The following SNRPN variants were observed in gnomAD, a reference collection of about 807,000 sequenced individuals.
SNRPN encodes small nuclear ribonucleoprotein-associated protein N.
A neutral mutation model predicts 25.2 loss-of-function variants in SNRPN; 7 were observed. The ratio of observed to expected loss-of-function variants is 0.28; its 90% CI spans 0.16 to 0.52. SNRPN has a LOEUF of 0.52. SNRPN is among the 20% of genes least tolerant of loss of function. The probability of loss-of-function intolerance (pLI) is 0.96; values close to 1 mark genes in which losing one functional copy is unlikely to be tolerated. For missense variants in SNRPN, 196 were observed against 322.5 expected (o/e 0.61, Z 3.00); for synonymous variants, 124 against 110.6 (o/e 1.12, Z -0.76).
chr15:24,931,368 T>C (rs2060840536), intron 3 of SNRPN, among the ~76,000 whole-genome samples: 1 of 152,162 alleles, frequency 6.6e-6, no homozygotes, highest in Non-Finnish European at 1.5e-5. Flanking sequence ...ACTATTGTAA[T>C]CGTGAAGAAA....
chr15:24,888,140 GCT>G (rs1230095120), intron 2 of SNRPN, among the ~76,000 whole-genome samples: 1 of 130,444 alleles, frequency 7.7e-6, no homozygotes, highest in East Asian at 2.3e-4. Flanking sequence ...ATGTAGTCTT[GCT>G]CTGTTGCCCG....
chr15:24,939,994 T>G (rs541829634), intron 3 of SNRPN, among the ~76,000 whole-genome samples: 14 of 152,256 alleles, frequency 9.2e-5, no homozygotes, highest in Admixed American at 3.3e-4. Context: ...TTCACCATGT[T>G]GGCCAGGCTG....
intron 1 of SNRPN, among the ~76,000 whole-genome samples, chr15:24,873,396 G>A (rs113662179): frequency 0.028 from 3,211 of 114,574 alleles, 842 homozygotes; most frequent in Non-Finnish European, 0.042. Context: ...GCACGATCCC[G>A]ACTCACTGCA....
intron 1 of SNRPN, among the ~76,000 whole-genome samples, chr15:24,955,501 C>T (rs1268764706): frequency 6.8e-6 from 1 of 146,316 alleles, no homozygotes; most frequent in Non-Finnish European, 1.5e-5. Flanking sequence ...GTGATTGTGG[C>T]GGGGCGAAGG....
intron 2 of SNRPN, among the ~76,000 whole-genome samples, chr15:24,832,902 C>G (rs1396207622): frequency 6.6e-6 from 1 of 151,694 alleles, no homozygotes; most frequent in Non-Finnish European, 1.5e-5. Context: ...GTCAGGAGAT[C>G]GAGGCCATCC....
intron 1 of SNRPN, among the ~76,000 whole-genome samples, chr15:24,956,205 CT>C (rs957743673): frequency 7.9e-5 from 12 of 152,010 alleles, no homozygotes; most frequent in African/African-American, 2.4e-4. Flanking sequence ...CTGGGGGTTA[CT>C]TTTTTTTCAT....
At chr15:24,824,475 G>A (rs538442700) in intron 1 of SNRPN, among the ~76,000 whole-genome samples, 1 of 152,040 alleles carries the variant, frequency 6.6e-6, no homozygotes, top group East Asian at 1.9e-4. Context: ...ATAATACAGA[G>A]ATGTATTATT....
chr15:24,832,520 T>C (rs1271866816), intron 2 of SNRPN, among the ~76,000 whole-genome samples: 2 of 151,632 alleles, frequency 1.3e-5, no homozygotes, highest in African/African-American at 2.4e-5. Context: ...GAGGGGAGGA[T>C]TGAAAAAAGG....
chr15:24,977,963 G>A lies in SNRPN; in HGVS notation c.559+47G>A, dbSNP rs775519454. On this transcript the variant is annotated intron_variant, in intron 8 of 9. Coordinates refer to ENST00000390687, the MANE Select transcript of SNRPN (RefSeq NM_003097.6). ...AGACGAACTTGAATCTCTGATGAGA[G>A]ATAGCTTACTGATTTAAGACACAGC... 4.2e-5 allele frequency: 63 copies of A among 1,495,014 alleles called. No individual in the cohort carries two copies. In the East Asian group the frequency reaches 1.4e-3, roughly 34 times the overall value. 92.6% of individuals were successfully genotyped at this position (1,495,014 alleles called of 1,614,324 possible).
intron 5 of SNRPN, 79 bp downstream of exon 5, chr15:24,975,588 C>G: frequency 8.2e-7 from 1 of 1,216,024 alleles, no homozygotes; most frequent in Non-Finnish European, 1.2e-6. Context: ...AAGGGATTTC[C>G]GAGGGTAACT....
intron 2 of SNRPN, among the ~76,000 whole-genome samples, chr15:24,966,684 A>C (rs1388495800): frequency 1.3e-5 from 2 of 152,164 alleles, no homozygotes; most frequent in African/African-American, 4.8e-5. Flanking sequence ...AAGGATGTAT[A>C]GGATGTATAG....
intron 1 of SNRPN, among the ~76,000 whole-genome samples, chr15:24,825,458 C>T (rs929960699): frequency 2.6e-5 from 4 of 152,006 alleles, no homozygotes; most frequent in Non-Finnish European, 4.4e-5. Flanking sequence ...ATGAGAGTTG[C>T]GTTCTGTTCT....
At chr15:24,968,256 C>G (rs552367197) in intron 3 of SNRPN, 174 bp downstream of exon 3, 3 of 518,110 alleles carry the variant, frequency 5.8e-6, no homozygotes, top group African/African-American at 5.8e-5. Context: ...TGCCCTGACA[C>G]TTTCGTCATG....
chr15:24,875,636 C>T (rs1406884964), intron 1 of SNRPN, among the ~76,000 whole-genome samples: 1 of 152,108 alleles, frequency 6.6e-6, no homozygotes, highest in African/African-American at 2.4e-5. Flanking sequence ...TAAGAGTTTT[C>T]CACTGGGCAT....
intron 3 of SNRPN, among the ~76,000 whole-genome samples, chr15:24,927,102 C>T (rs1432089865): frequency 6.6e-6 from 1 of 151,872 alleles, no homozygotes; most frequent in Admixed American, 6.6e-5. Flanking sequence ...TTCTCCTTCC[C>T]TCCCTCTTTC....
chr15:24,865,032 G>A (rs1184328709), intron 1 of SNRPN, among the ~76,000 whole-genome samples: 1 of 148,686 alleles, frequency 6.7e-6, no homozygotes, highest in East Asian at 2.0e-4. Flanking sequence ...GTTCACCTTG[G>A]TGTGGAGACT....
At chr15:24,828,882 G>A (rs2050289259) in intron 1 of SNRPN, among the ~76,000 whole-genome samples, 1 of 152,092 alleles carries the variant, frequency 6.6e-6, no homozygotes, top group Non-Finnish European at 1.5e-5. Context: ...AGATGATAGA[G>A]CAGCGTGGCC....
In SNRPN at chr15:24,978,469, C is replaced by T. The variant is rs112904440; in HGVS notation, c.*25C>T. ...GCATACTGTTGATCCATCTCAGTCACTTTTTCCCCTGCAATGCGTCTTGTG... is the reference window on the plus strand; with the variant it reads ...GCATACTGTTGATCCATCTCAGTCATTTTTTCCCCTGCAATGCGTCTTGTG... On this transcript the variant is annotated 3_prime_UTR_variant, in exon 10 of 10. Coordinates refer to ENST00000390687, the MANE Select transcript of SNRPN (RefSeq NM_003097.6). 601 of 1,607,738 alleles carry T rather than the reference C, an allele frequency of 3.7e-4. 3 individuals carry two copies. The African/African-American group carries it at 7.2e-3, about 19-fold the overall frequency.
chr15:24,873,987 A>G (rs936096488), intron 1 of SNRPN, among the ~76,000 whole-genome samples: 5 of 151,578 alleles, frequency 3.3e-5, no homozygotes, highest in Non-Finnish European at 5.9e-5. Context: ...ATGAGAAAAA[A>G]ACAAACTCAC....
Sources: gnomAD v4.1 joint callset for allele counts (sites outside exome capture counted in the v4.1 genomes callset) on GRCh38, gnomAD v4.1.1 for gene constraint, MANE v1.5 for transcripts, NCBI Gene and HGNC (gene_info 2026-07-23, HGNC 2026-07-21) for gene names.